Variants in COXFA4L3 observed in about 807,000 individuals in gnomAD.
COXFA4L3 encodes MIR147B host.
chr15:45,432,217 T>C, the COXFA4L3 span: 1 of 1,087,758 alleles, frequency 9.2e-7, no homozygotes. Flanking sequence ...TACCTTACCC[T>C]TATTGTGTAA....
At chr15:45,432,097 C>G in the COXFA4L3 span, 2 of 1,613,360 alleles carry the variant, frequency 1.2e-6, no homozygotes, top group African/African-American at 2.7e-5. Context: ...AAATCCAGAA[C>G]CTTGGGAAAC....
the COXFA4L3 span, chr15:45,431,055 G>T: frequency 3.1e-6 from 5 of 1,613,986 alleles, no homozygotes; most frequent in South Asian, 2.2e-5. Context: ...CTCATCTTTC[G>T]CTGTGTATTC....
the COXFA4L3 span, chr15:45,432,151 C>A: frequency 3.1e-6 from 5 of 1,606,810 alleles, no homozygotes; most frequent in Non-Finnish European, 4.3e-6. Flanking sequence ...AAATTAAAAA[C>A]AAATGATTTA....
At chr15:45,431,453 A>G in the COXFA4L3 span, 1 of 178,492 alleles carries the variant, frequency 5.6e-6, no homozygotes, top group Non-Finnish European at 1.2e-5. Flanking sequence ...TTTGGGAGAT[A>G]TATATCATGA....
At chr15:45,433,073 T>C in the COXFA4L3 span, 6 of 1,504,690 alleles carry the variant, frequency 4.0e-6, no homozygotes, top group Admixed American at 1.0e-4. Context: ...GAAACATTTC[T>C]GCACAAACTA....
chr15:45,432,018 G>T, the COXFA4L3 span: 1 of 1,474,870 alleles, frequency 6.8e-7, no homozygotes. Flanking sequence ...CCCAGTATCA[G>T]TGTTGGTTTA....
the COXFA4L3 span, chr15:45,433,230 T>C: frequency 5.8e-6 from 3 of 521,304 alleles, no homozygotes; most frequent in African/African-American, 5.8e-5. Flanking sequence ...AATTTGAATA[T>C]TGCATATTGA....
chr15:45,431,998 T>TTA, the COXFA4L3 span: 2 of 1,324,652 alleles, frequency 1.5e-6, no homozygotes, highest in Non-Finnish European at 2.1e-6. Context: ...GTCCCTAACA[T>TTA]GTTTATAAAC....
chr15:45,431,029 T>G, the COXFA4L3 span: 1 of 1,614,192 alleles, frequency 6.2e-7, no homozygotes, highest in South Asian at 1.1e-5. Flanking sequence ...TTCATGACTG[T>G]GGCGGCGGGT....
the COXFA4L3 span, chr15:45,430,691 GC>G: frequency 9.5e-7 from 1 of 1,056,016 alleles, no homozygotes; most frequent in South Asian, 1.5e-5. Context: ...GGACGCGCCG[GC>G]CCGCAGTTGG....
the COXFA4L3 span, chr15:45,431,954 T>C: frequency 1.3e-6 from 1 of 791,904 alleles, no homozygotes; most frequent in Non-Finnish European, 2.1e-6. Flanking sequence ...TCCTGATCAT[T>C]AGCAGACACA....
the COXFA4L3 span, chr15:45,432,141 A>C: frequency 6.2e-7 from 1 of 1,610,118 alleles, no homozygotes; most frequent in Non-Finnish European, 8.5e-7. Context: ...AGGTATTGTT[A>C]AATTAAAAAC....
the COXFA4L3 span, chr15:45,432,992 A>G: frequency 1.2e-6 from 2 of 1,614,092 alleles, no homozygotes; most frequent in Admixed American, 1.7e-5. Flanking sequence ...AAGAGTTGCA[A>G]AATGTCCAAA....
chr15:45,432,926 T>C, the COXFA4L3 span: 1 of 1,579,852 alleles, frequency 6.3e-7, no homozygotes, highest in Admixed American at 2.0e-5. Flanking sequence ...AAGGTTTTTT[T>C]TTTTTCCTTT....
At chr15:45,430,773 T>A in the COXFA4L3 span, 6 of 1,606,938 alleles carry the variant, frequency 3.7e-6, no homozygotes, top group Non-Finnish European at 4.3e-6. Flanking sequence ...TTTCTAGATT[T>A]GGCAATTCTT....
At chr15:45,430,727 G>A in the COXFA4L3 span, 1 of 1,487,572 alleles carries the variant, frequency 6.7e-7, no homozygotes, top group South Asian at 1.2e-5. Flanking sequence ...TGGACGGTTT[G>A]GCGCCCACCA....
the COXFA4L3 span, chr15:45,432,008 C>G: frequency 7.1e-7 from 1 of 1,398,606 alleles, no homozygotes; most frequent in Non-Finnish European, 1.0e-6. Context: ...TGTTTATAAA[C>G]CCAGTATCAG....
chr15:45,432,246 T>G, the COXFA4L3 span: 2 of 810,724 alleles, frequency 2.5e-6, no homozygotes, highest in Non-Finnish European at 3.9e-6. Context: ...AATTGTGCCT[T>G]CATCGAGTAA....
the COXFA4L3 span, chr15:45,431,078 C>T: frequency 6.2e-7 from 1 of 1,613,736 alleles, no homozygotes; most frequent in Admixed American, 1.7e-5. Context: ...TTTGGAAAAC[C>T]GATGTGATGT....
Sources: allele counts gnomAD v4.1 joint callset, GRCh38; gene constraint gnomAD v4.1.1; transcripts MANE v1.5; gene names NCBI Gene and HGNC (gene_info 2026-07-23, HGNC 2026-07-21).